NPHP4: variants seen among roughly 807,000 people sequenced by gnomAD.
NPHP4 encodes nephrocystin-4.
NPHP4 carries 151 observed loss-of-function variants against 155.8 expected under a neutral mutation model. That is an observed-to-expected ratio of 0.97 (90% CI 0.85 to 1.11). NPHP4 has a LOEUF of 1.11. NPHP4 is among the 50% of genes least tolerant of loss of function. The pLI, the probability that NPHP4 is intolerant of heterozygous loss-of-function variation, is 0.00. For synonymous variants in NPHP4, 845 were observed against 816.8 expected, an observed-to-expected ratio of 1.03 and a Z score of -0.59; for missense variants, 1,956 against 1,925.7, an observed-to-expected ratio of 1.02 and a Z score of -0.29.
At chr1:5,871,753 C>T (rs896990497) in intron 23 of NPHP4, among the ~76,000 whole-genome samples, 33 of 152,304 alleles carry the variant, frequency 2.2e-4, no homozygotes, top group African/African-American at 7.7e-4. Flanking sequence ...ACTCCAGAGG[C>T]GGAGCACCCC....
chr1:5,989,167 A>G (rs1655895354), intron 1 of NPHP4, among the ~76,000 whole-genome samples: 1 of 152,056 alleles, frequency 6.6e-6, no homozygotes, highest in South Asian at 2.1e-4. Context: ...CTCTCCTCCA[A>G]TGCCCACAAC....
intron 5 of NPHP4, 24 bp downstream of exon 5, chr1:5,967,275 G>T: frequency 6.3e-7 from 1 of 1,582,512 alleles, no homozygotes; most frequent in Admixed American, 1.8e-5. Flanking sequence ...AGTGAGTGCT[G>T]CCAAGGCCAG....
chr1:5,960,241 C>T (rs1278569995), intron 6 of NPHP4, among the ~76,000 whole-genome samples: 2 of 152,188 alleles, frequency 1.3e-5, no homozygotes, highest in South Asian at 2.1e-4. Context: ...TGCGACCCCA[C>T]GCTTGCTCTT....
chr1:5,927,095 A>C (rs1407526701), intron 11 of NPHP4, among the ~76,000 whole-genome samples: 3 of 152,246 alleles, frequency 2.0e-5, no homozygotes, highest in African/African-American at 7.2e-5. Flanking sequence ...AGAAGCAGCT[A>C]GGCTGACGGC....
At chr1:5,866,158 AGTCCCTCAGGCTGCACGT>A in intron 26 of NPHP4, 197 bp downstream of exon 26, 1 of 579,000 alleles carries the variant, frequency 1.7e-6, no homozygotes, top group Non-Finnish European at 3.1e-6. Context: ...CTGCATCCCA[AGTCCCTCAGGCTGCACGT>A]GCCCCTCCAA....
intron 5 of NPHP4, among the ~76,000 whole-genome samples, chr1:5,964,941 A>ATATATTTTTTTTTTTTTTTTTTTTT: frequency 1.3e-4 from 8 of 59,416 alleles, no homozygotes; most frequent in African/African-American, 5.9e-4. Flanking sequence ...ATATATATAT[A>ATATATTTTTTTTTTTTTTTTTTTTT]TTTTTTTTTT....
At chr1:5,918,611 A>G (rs1016171275) in intron 11 of NPHP4, among the ~76,000 whole-genome samples, 1 of 152,180 alleles carries the variant, frequency 6.6e-6, no homozygotes, top group African/African-American at 2.4e-5. Flanking sequence ...AAATATACAA[A>G]CCTCTCATAA....
At chr1:5,946,174 G>C (rs1438913726) in intron 9 of NPHP4, among the ~76,000 whole-genome samples, 1 of 152,112 alleles carries the variant, frequency 6.6e-6, no homozygotes, top group Non-Finnish European at 1.5e-5. Flanking sequence ...CTGGGGTCTT[G>C]GAACAAACGC....
rs577293963 is a variant in NPHP4, at chr1:5,893,279, C to T, written c.2144-2251G>A. The stretch of plus-strand genomic sequence containing the variant: ...AGAAAAGACAGCTGGGCCCAGGGGA[C>T]CACTACCACCAATGCGCAGAGACCG... On this transcript the variant is annotated intron_variant, in intron 16 of 29. Transcript: ENST00000378156. 5.9e-5 allele frequency among the ~76,000 whole-genome samples: 9 copies of T among 152,242 alleles called. No individual in the cohort carries two copies. The South Asian group carries it at 1.9e-3, about 32-fold the overall frequency.
intron 6 of NPHP4, among the ~76,000 whole-genome samples, chr1:5,956,250 G>A (rs1418063304): frequency 6.6e-6 from 1 of 152,240 alleles, no homozygotes; most frequent in East Asian, 1.9e-4. Context: ...GCTCCTGGAA[G>A]TGGCCCAGGC....
intron 13 of NPHP4, 58 bp downstream of exon 13, chr1:5,907,057 G>T: frequency 9.7e-7 from 1 of 1,029,338 alleles, no homozygotes; most frequent in Non-Finnish European, 1.4e-6. Flanking sequence ...AACCCAAAAT[G>T]AGGAGCTGTG....
In NPHP4 at chr1:5,891,003, G is replaced by A; in HGVS notation, c.2169C>T (p.Tyr723=). 1 of 1,563,702 alleles carries A rather than the reference G, an allele frequency of 6.4e-7. No homozygotes were observed. The highest frequency in any genetic ancestry group is 8.7e-7 in the Non-Finnish European group (1 of 1,142,874). Residue 723 remains tyrosine (Y), a synonymous_variant, in exon 17 of 30, where the codon TAC becomes TAT. Transcript: ENST00000378156. Reference sequence around the variant, plus strand: ...GCTTCAGGAACCCAGGGCCCACCATGTACCTCAGCTGGAAGCCAGGAGACC... The same window carrying A: ...GCTTCAGGAACCCAGGGCCCACCATATACCTCAGCTGGAAGCCAGGAGACC... ...DAGSPGFQLR[Y]MVGPGFLKPG...
Position 5,910,137 on chromosome 1 carries a change from T to G in NPHP4, c.1442-924A>C, listed in dbSNP as rs1260336139. On this transcript the variant is annotated intron_variant, in intron 11 of 29. Coordinates refer to ENST00000378156, the MANE Select transcript of NPHP4 (RefSeq NM_015102.5). The surrounding 1 kb of genome is among the most constrained non-coding windows in gnomAD (Gnocchi z 5.4). ...CACTGCCATTTGCCTTTGCCCACCA[T>G]GAAACCACCAAGCCAGACCCCAAGC... Among the ~76,000 whole-genome samples the G allele has an allele frequency of 4.6e-5, 7 of 152,164 alleles. No individual in the cohort carries two copies. The highest frequency in any genetic ancestry group is 1.0e-4 in the Non-Finnish European group (7 of 68,034).
Position 5,889,480 on chromosome 1 carries a change from A to AG in NPHP4, c.2304+1387dup, listed in dbSNP as rs1008613977. ...CACTTGTTTAAGGGGCTCTTCGTGT[A>AG]GGGGGAGATCAAATGGCTTCCGTCT... On this transcript the variant is annotated intron_variant, in intron 17 of 29. Transcript: ENST00000378156. This position sits in a 1 kb window ranked among gnomAD's most constrained non-coding sequence, Gnocchi z 4.2. Among the ~76,000 whole-genome samples the AG allele has an allele frequency of 6.6e-6, 1 of 152,194 alleles. No homozygotes were observed. The highest frequency in any genetic ancestry group is 2.4e-5 in the African/African-American group (1 of 41,456).
rs183390160 is a variant in NPHP4 at position 5,944,413 on chromosome 1, C to A, written c.1119+2691G>T. Among the ~76,000 whole-genome samples, 1 of 152,224 alleles carries A rather than the reference C, an allele frequency of 6.6e-6. No individual in the cohort carries two copies. Among genetic ancestry groups the A allele is most frequent in the Non-Finnish European group, 1.5e-5 (1 of 68,032 alleles). ...AGCCCGCCCTGGGCCTTCCAAGGAG[C>A]GCGCTGGGCTCCTCTACCACAGCCA... On this transcript the variant is annotated intron_variant, in intron 9 of 29. Coordinates refer to ENST00000378156, the MANE Select transcript of NPHP4 (RefSeq NM_015102.5). The surrounding 1 kb of genome is among the most constrained non-coding windows in gnomAD (Gnocchi z 4.3).
chr1:5,922,940 G>A (rs767675106), intron 11 of NPHP4, among the ~76,000 whole-genome samples: 56 of 152,350 alleles, frequency 3.7e-4, no homozygotes, highest in Non-Finnish European at 6.3e-4. Flanking sequence ...CAAGGCTACA[G>A]TGAGCTGTGA....
At chr1:5,901,487 T>C (rs988619437) in intron 16 of NPHP4, among the ~76,000 whole-genome samples, 1 of 152,240 alleles carries the variant, frequency 6.6e-6, no homozygotes, top group Non-Finnish European at 1.5e-5. Context: ...TTTTGGACTG[T>C]GAATTTTAAT....
intron 18 of NPHP4, chr1:5,880,813 T>G (rs961341606): frequency 6.4e-6 from 1 of 155,354 alleles, no homozygotes; most frequent in Non-Finnish European, 1.4e-5. Flanking sequence ...AACCTGAGTG[T>G]CCTGGGGGAA....
chr1:5,931,103 T>C (rs565938736), intron 10 of NPHP4, among the ~76,000 whole-genome samples: 2 of 152,334 alleles, frequency 1.3e-5, no homozygotes, highest in South Asian at 2.1e-4. Context: ...AGTTTTCTTT[T>C]AGTGTTTGAA....
Sources: gnomAD v4.1 joint callset for allele counts (sites outside exome capture counted in the v4.1 genomes callset) on GRCh38, gnomAD v4.1.1 for gene constraint, Gnocchi (gnomAD v3.1) non-coding constraint, MANE v1.5 for transcripts, NCBI Gene and HGNC (gene_info 2026-07-23, HGNC 2026-07-21) for gene names.